SLC12A7: variants seen among roughly 807,000 people sequenced by gnomAD.
SLC12A7 encodes K-Cl cotransporter 4.
Under a neutral mutation model 120.6 loss-of-function variants are expected in SLC12A7, and 100 were observed. That is an observed-to-expected ratio of 0.83 (90% confidence interval 0.71 to 0.98). The LOEUF is 0.98. Among genes scored for constraint, SLC12A7 ranks in the 50% least tolerant of loss-of-function variants. SLC12A7 has a pLI of 0.00. For synonymous variants in SLC12A7, 760 were observed against 678.0 expected, an observed-to-expected ratio of 1.12 and a Z score of -1.88; for missense variants, 1,373 against 1,548.1, an observed-to-expected ratio of 0.89 and a Z score of 1.90.
chr5:1,130,349 G>A, the SLC12A7 span, among the ~76,000 whole-genome samples: 1 of 152,186 alleles, frequency 6.6e-6, no homozygotes, highest in Non-Finnish European at 1.5e-5. Flanking sequence ...GAGGACAGGA[G>A]GACCCAGGGT....
At chr5:1,128,143 G>A in the SLC12A7 span, among the ~76,000 whole-genome samples, 5 of 152,204 alleles carry the variant, frequency 3.3e-5, no homozygotes, top group Non-Finnish European at 5.9e-5. Flanking sequence ...CTGGGAGTGG[G>A]CGTGGCTGGG....
intron 11 of SLC12A7, chr5:1,078,491 G>C (rs1738618151): frequency 3.3e-6 from 2 of 614,948 alleles, no homozygotes; most frequent in South Asian, 2.0e-5. Context: ...TCAGGGCTTG[G>C]AGTTGGCTCT....
At chr5:1,108,821 C>T (rs938572528) in intron 1 of SLC12A7, among the ~76,000 whole-genome samples, 6 of 152,244 alleles carry the variant, frequency 3.9e-5, no homozygotes, top group African/African-American at 1.2e-4. Flanking sequence ...GCTCCCAACA[C>T]GGACACGGTA....
intron 17 of SLC12A7, among the ~76,000 whole-genome samples, chr5:1,066,378 G>A (rs911251991): frequency 6.6e-6 from 1 of 152,184 alleles, no homozygotes; most frequent in Non-Finnish European, 1.5e-5. Flanking sequence ...GGAGCTCCGA[G>A]CAATGAGATT....
the SLC12A7 span, among the ~76,000 whole-genome samples, chr5:1,120,501 G>A: frequency 3.0e-4 from 46 of 152,246 alleles, no homozygotes; most frequent in African/African-American, 1.1e-3. Flanking sequence ...GCTCACAGCC[G>A]CTGTACCTCC....
chr5:1,088,253 AAC>A lies in SLC12A7; in HGVS notation c.544+51_544+52del, dbSNP rs1740106463. On this transcript the variant is annotated intron_variant, in intron 5 of 23. Transcript: ENST00000264930. ...CCTCCTCGCGGTTGCCGTGCGGCAA[AAC>A]ACAGACTCCTCTAACAGGACTCAGG... The A allele has an allele frequency of 3.2e-6, 5 of 1,547,630 alleles. No individual in the cohort carries two copies. The East Asian group carries it at 9.6e-5, about 30-fold the overall frequency.
chr5:1,060,988 T>C (rs111911034), intron 20 of SLC12A7, among the ~76,000 whole-genome samples: 6,276 of 128,218 alleles, frequency 0.049, 56 homozygotes, highest in African/African-American at 0.2. Flanking sequence ...TCTCACCCAC[T>C]GCACCTGCCG....
chr5:1,133,812 T>A, the SLC12A7 span, among the ~76,000 whole-genome samples: 1 of 152,026 alleles, frequency 6.6e-6, no homozygotes, highest in Non-Finnish European at 1.5e-5. Context: ...TAAATAGCTT[T>A]CCCAGTAATC....
At chr5:1,112,220 C>G (rs982195691), upstream of SLC12A7, among the ~76,000 whole-genome samples, 8 of 151,922 alleles carry the variant, frequency 5.3e-5, no homozygotes, top group African/African-American at 1.9e-4. Flanking sequence ...CGACCCGGGA[C>G]GCGGGGCTTT....
chr5:1,087,203 C>A (rs561130095), intron 5 of SLC12A7, among the ~76,000 whole-genome samples, 170 bp from the exon 6 acceptor site: 1 of 152,322 alleles, frequency 6.6e-6, no homozygotes, highest in Admixed American at 6.5e-5. Context: ...ACGGTGAACT[C>A]TCCCCTCCCG....
intron 3 of SLC12A7, among the ~76,000 whole-genome samples, chr5:1,092,484 A>C (rs934818044): frequency 2.0e-5 from 3 of 151,746 alleles, no homozygotes; most frequent in Non-Finnish European, 4.4e-5. Flanking sequence ...GCACTACAAA[A>C]CCCTCCCTTC....
chr5:1,140,367 G>T, the SLC12A7 span, among the ~76,000 whole-genome samples: 1 of 152,316 alleles, frequency 6.6e-6, no homozygotes, highest in East Asian at 1.9e-4. Flanking sequence ...CCACACCTGC[G>T]TCTCCATCTC....
At chr5:1,078,956 G>A (rs1424417393) in intron 10 of SLC12A7, among the ~76,000 whole-genome samples, 198 bp from the exon 11 acceptor site, 1 of 152,124 alleles carries the variant, frequency 6.6e-6, no homozygotes, top group African/African-American at 2.4e-5. Flanking sequence ...CCCTCCTGGG[G>A]CTCTGTCCAG....
chr5:1,059,949 C>G (rs1736013090), intron 21 of SLC12A7, among the ~76,000 whole-genome samples: 1 of 152,236 alleles, frequency 6.6e-6, no homozygotes, highest in Admixed American at 6.5e-5. Context: ...GGGCACTCAT[C>G]CGGCTCAGAA....
chr5:1,099,381 G>A (rs1038892997), intron 1 of SLC12A7, among the ~76,000 whole-genome samples: 1 of 151,592 alleles, frequency 6.6e-6, no homozygotes. Flanking sequence ...CACCTCCTCC[G>A]GGGGACAGCA....
intron 17 of SLC12A7, among the ~76,000 whole-genome samples, chr5:1,069,102 C>T (rs781506944): frequency 6.6e-6 from 1 of 152,258 alleles, no homozygotes; most frequent in African/African-American, 2.4e-5. Flanking sequence ...CGCCTGAACC[C>T]GTGGTGAGCC....
chr5:1,052,452 CTG>C lies in SLC12A7; in HGVS notation c.3161-3_3161-2del, dbSNP rs1485951378. On this transcript the variant is annotated splice_acceptor_variant and splice_polypyrimidine_tract_variant and intron_variant, in intron 23 of 23. Coordinates refer to ENST00000264930, the MANE Select transcript of SLC12A7 (RefSeq NM_006598.3). LOFTEE classifies it high-confidence loss of function. The stretch of plus-strand genomic sequence containing the variant: ...GTCAGGACTTCAAGAAACTCCATGT[CTG>C]TGGTCAACAGAGTTAAGGCCACAGC... 2 of 1,612,184 alleles carry C rather than the reference CTG, an allele frequency of 1.2e-6. No homozygotes were observed. Among genetic ancestry groups the C allele is most frequent in the Middle Eastern group, 1.7e-4 (1 of 6,058 alleles).
In SLC12A7 at chr5:1,075,641, C is replaced by A; in HGVS notation, c.1848-151G>T. On this transcript the variant is annotated intron_variant, in intron 14 of 23. Transcript: ENST00000264930. ...GACGCCTGACGACCATGGCTGTACT[C>A]AACCACCTCTGAGGGGTGACGTGGC... 6 of 1,262,012 alleles carry A rather than the reference C, an allele frequency of 4.8e-6. No homozygotes were observed. The South Asian group carries it at 9.5e-5, about 20-fold the overall frequency. The allele number at this position is 1,262,012 out of a possible 1,614,324, so 78.2% of individuals were successfully genotyped here. A position where few individuals can be genotyped will look rare whatever the true frequency, so the allele number is the denominator to read the frequency against.
intron 21 of SLC12A7, among the ~76,000 whole-genome samples, chr5:1,059,921 G>T (rs73028821): frequency 0.02 from 3,118 of 152,334 alleles, 114 homozygotes; most frequent in African/African-American, 0.067. Flanking sequence ...AGACAAAGCA[G>T]CCATCGTAAG....
Sources: gnomAD v4.1 joint callset for allele counts (sites outside exome capture counted in the v4.1 genomes callset) on GRCh38, gnomAD v4.1.1 for gene constraint, MANE v1.5 for transcripts, NCBI Gene and HGNC (gene_info 2026-07-23, HGNC 2026-07-21) for gene names.